ZNF710: variants seen among roughly 807,000 people sequenced by gnomAD.
The protein encoded by ZNF710 is zinc finger protein 710.
In ZNF710, 13 loss-of-function variants were observed where a neutral mutation model predicts 50.6. The ratio of observed to expected loss-of-function variants is 0.26; its 90% CI spans 0.17 to 0.41. ZNF710 has a LOEUF of 0.41. ZNF710 is among the 10% of genes least tolerant of loss of function. The pLI, the probability that ZNF710 is intolerant of heterozygous loss-of-function variation, is 1.00. For missense variants in ZNF710, 721 were observed against 936.6 expected (o/e 0.77, Z 3.01); for synonymous variants, 383 against 397.0 (o/e 0.96, Z 0.42).
chr15:90,050,528 T>G (rs1010761649), intron 1 of ZNF710, among the ~76,000 whole-genome samples: 1 of 152,152 alleles, frequency 6.6e-6, no homozygotes, highest in African/African-American at 2.4e-5. Context: ...CCACCCAACC[T>G]TTGGGTAATA....
intron 1 of ZNF710, among the ~76,000 whole-genome samples, chr15:90,029,433 C>G (rs1465065907): frequency 6.6e-6 from 1 of 152,176 alleles, no homozygotes; most frequent in Non-Finnish European, 1.5e-5. Flanking sequence ...CAAACTCCAA[C>G]TCAAACGGGA....
intron 1 of ZNF710, among the ~76,000 whole-genome samples, chr15:90,014,268 C>G (rs1898391075): frequency 6.6e-6 from 1 of 151,882 alleles, no homozygotes; most frequent in Non-Finnish European, 1.5e-5. Flanking sequence ...TCTTGACTCA[C>G]AAATTGAATG....
chr15:90,040,930 G>A lies in ZNF710; in HGVS notation c.-28-26180G>A, dbSNP rs530380974. On this transcript the variant is annotated intron_variant, in intron 1 of 4. Coordinates refer to ENST00000268154, the MANE Select transcript of ZNF710 (RefSeq NM_198526.4). This position sits in a 1 kb window ranked among gnomAD's most constrained non-coding sequence, Gnocchi z 4.6. ...CCTCTCTTAGTTTTATCATTAGGTC[G>A]CAATTTTGGGTTAAGCCCACAGTAT... Among the ~76,000 whole-genome samples the A allele has an allele frequency of 7.2e-5, 11 of 152,196 alleles. No individual in the cohort carries two copies. Among genetic ancestry groups the A allele is most frequent in the African/African-American group, 2.2e-4 (9 of 41,496 alleles).
At chr15:90,001,648 C>T (rs1034571728) in intron 1 of ZNF710, 34 bp downstream of exon 1, 2 of 144,432 alleles carry the variant, frequency 1.4e-5, no homozygotes, top group African/African-American at 5.0e-5. Flanking sequence ...GCCCCAGCCC[C>T]AGCCCCAGCC....
chr15:90,021,019 C>CT lies in ZNF710; in HGVS notation c.-29+19405_-29+19406insT, dbSNP rs1555456033. On this transcript the variant is annotated intron_variant, in intron 1 of 4. Coordinates refer to ENST00000268154, the MANE Select transcript of ZNF710 (RefSeq NM_198526.4). The stretch of plus-strand genomic sequence containing the variant: ...GAGAGAGGGTGTGGCACCCCCCCCC[C>CT]CTTAGCAGCCTGGGGGACGTCAGCT... Among the ~76,000 whole-genome samples the CT allele has an allele frequency of 9.7e-4, 39 of 40,406 alleles. 1 individual carries two copies. The South Asian group carries it at 0.02, about 20-fold the overall frequency. 26.5% of individuals were successfully genotyped at this position (40,406 alleles called of 152,430 possible). A position where few individuals can be genotyped will look rare whatever the true frequency, so the allele number is the denominator to read the frequency against.
chr15:90,045,926 C>T (rs972997955), intron 1 of ZNF710, among the ~76,000 whole-genome samples: 4 of 152,098 alleles, frequency 2.6e-5, no homozygotes, highest in African/African-American at 9.7e-5. Flanking sequence ...AGAAGGGGCA[C>T]GTCGGGCAGC....
intron 1 of ZNF710, among the ~76,000 whole-genome samples, chr15:90,015,370 T>C (rs1332275488): frequency 2.0e-5 from 3 of 152,200 alleles, no homozygotes; most frequent in Non-Finnish European, 4.4e-5. Context: ...AGTACAACTT[T>C]TATGGAGGAA....
At position 90,080,052 on chromosome 15, in the gene ZNF710, G is replaced by A. The variant is rs1395974796; in HGVS notation, c.*223G>A. 1 of 461,074 alleles carries A rather than the reference G, an allele frequency of 2.2e-6. No individual in the cohort carries two copies. The highest frequency in any genetic ancestry group is 3.8e-6 in the Non-Finnish European group (1 of 265,784). The allele number at this position is 461,074 out of a possible 1,614,324, so 28.6% of individuals were successfully genotyped here. On this transcript the variant is annotated 3_prime_UTR_variant, in exon 5 of 5. Transcript: ENST00000268154. ...GCACAGGCCCAGGCATCCCAGCAAG[G>A]GAAGGAGAACACGCGAGGCCCAGAT... is the stretch of plus-strand genomic sequence containing the variant.
At chr15:90,012,794 T>C (rs1033146841) in intron 1 of ZNF710, among the ~76,000 whole-genome samples, 1 of 152,194 alleles carries the variant, frequency 6.6e-6, no homozygotes, top group Admixed American at 6.5e-5. Context: ...GTTGTTATTT[T>C]TGATGCTCAT....
At chr15:90,019,867 A>G (rs1458850282) in intron 1 of ZNF710, among the ~76,000 whole-genome samples, 5 of 152,214 alleles carry the variant, frequency 3.3e-5, no homozygotes, top group African/African-American at 9.6e-5. Context: ...AGAGTCTGTC[A>G]GAGAACTTAG....
intron 1 of ZNF710, among the ~76,000 whole-genome samples, chr15:90,004,943 C>T (rs1305379301): frequency 2.6e-5 from 4 of 152,216 alleles, no homozygotes; most frequent in African/African-American, 9.6e-5. Context: ...TCTTCAAAGT[C>T]CAACAATCAG....
chr15:90,068,601 G>C lies in ZNF710; in HGVS notation c.1458+6G>C, dbSNP rs1900272210. 6.3e-7 allele frequency: 1 copy of C among 1,577,490 alleles called. No individual in the cohort carries two copies. Among genetic ancestry groups the C allele is most frequent in the African/African-American group, 1.3e-5 (1 of 74,766 alleles). On this transcript the variant is annotated splice_donor_region_variant and intron_variant, in intron 2 of 4. Coordinates refer to ENST00000268154, the MANE Select transcript of ZNF710 (RefSeq NM_198526.4). The surrounding 1 kb of genome is among the most constrained non-coding windows in gnomAD (Gnocchi z 5.0). Reference sequence around the variant, plus strand: ...AGCACTCCCTCACCCACAAGGTAAGGCCGTTCCCAGGGCCTGGGCATCTGC... The same window carrying C: ...AGCACTCCCTCACCCACAAGGTAAGCCCGTTCCCAGGGCCTGGGCATCTGC...
chr15:90,068,220 G>A lies in ZNF710; in HGVS notation c.1083G>A (p.Thr361=), dbSNP rs541484083. The change falls in exon 2 of 5, where the codon ACG becomes ACA. Residue 361 remains threonine (T), a synonymous_variant. Coordinates refer to ENST00000268154, the MANE Select transcript of ZNF710 (RefSeq NM_198526.4). This position sits in a 1 kb window ranked among gnomAD's most constrained non-coding sequence, Gnocchi z 5.0. ...HKCQVCHKAF[T]QTSHLKRHML... ...GCCAGGTATGCCACAAGGCCTTCAC[G>A]CAGACCAGCCACCTCAAGCGCCACA... The A allele has an allele frequency of 2.5e-6, 4 of 1,613,670 alleles. No homozygotes were observed. The highest frequency in any genetic ancestry group is 3.4e-6 in the Non-Finnish European group (4 of 1,180,000).
upstream of ZNF710, among the ~76,000 whole-genome samples, chr15:90,000,536 T>C (rs1016874424): frequency 6.6e-6 from 1 of 152,122 alleles, no homozygotes; most frequent in Non-Finnish European, 1.5e-5. Flanking sequence ...TCCCAGCAGC[T>C]GCCCTGAGCC....
At chr15:90,015,595 C>CTT (rs35261596) in intron 1 of ZNF710, among the ~76,000 whole-genome samples, 58 of 136,820 alleles carry the variant, frequency 4.2e-4, no homozygotes, top group African/African-American at 1.2e-3. Flanking sequence ...CAATGCAATT[C>CTT]TTTTTTTTTT....
At chr15:90,004,737 C>G (rs577211609) in intron 1 of ZNF710, among the ~76,000 whole-genome samples, 1 of 152,334 alleles carries the variant, frequency 6.6e-6, no homozygotes, top group Admixed American at 6.5e-5. Flanking sequence ...TCTGCTACTG[C>G]TGGGGATCCC....
intron 1 of ZNF710, among the ~76,000 whole-genome samples, chr15:90,017,714 C>A (rs1412667312): frequency 2.6e-5 from 4 of 151,652 alleles, no homozygotes; most frequent in Non-Finnish European, 5.9e-5. Flanking sequence ...TGGTGCTGTT[C>A]CCCTGGAAAG....
intron 1 of ZNF710, among the ~76,000 whole-genome samples, chr15:90,023,297 G>C (rs912336184): frequency 2.0e-5 from 3 of 152,186 alleles, no homozygotes; most frequent in Non-Finnish European, 4.4e-5. Flanking sequence ...CAGCCTGGTG[G>C]CTTCTAGATA....
intron 1 of ZNF710, among the ~76,000 whole-genome samples, chr15:90,061,536 A>G (rs779062803): frequency 5.3e-5 from 8 of 152,094 alleles, no homozygotes; most frequent in Non-Finnish European, 1.0e-4. Flanking sequence ...GGTGGCCACA[A>G]GGTCCTGTTG....
Sources: allele counts gnomAD v4.1 joint callset (sites outside exome capture counted in the v4.1 genomes callset), GRCh38; gene constraint gnomAD v4.1.1; non-coding constraint Gnocchi (gnomAD v3.1); transcripts MANE v1.5; gene names NCBI Gene and HGNC (gene_info 2026-07-23, HGNC 2026-07-21).